SETX: variants seen among roughly 807,000 people sequenced by gnomAD.
SETX encodes the protein helicase senataxin.
SETX carries 90 observed loss-of-function variants against 227.2 expected under a neutral mutation model. The observed-to-expected ratio is 0.40, with a 90% CI of 0.33 to 0.47. The LOEUF (loss-of-function observed/expected upper bound fraction) is 0.47, where lower values mean the gene tolerates loss of function less well. SETX is among the 20% of genes least tolerant of loss of function. The pLI is 0.91. For synonymous variants in SETX, 1,210 were observed against 1,113.2 expected (o/e 1.09, Z -1.73); for missense variants, 3,052 against 3,181.5 (o/e 0.96, Z 0.98).
chr9:132,271,663 G>T (rs532624590), intron 24 of SETX, 47 bp downstream of exon 24: 14 of 1,452,718 alleles, frequency 9.6e-6, no homozygotes, highest in Non-Finnish European at 1.3e-5. Flanking sequence ...CTATAAACAA[G>T]CAACAATGTA....
chr9:132,282,019 T>TAA (rs71376633), intron 19 of SETX, among the ~76,000 whole-genome samples: 5,974 of 81,680 alleles, frequency 0.073, 381 homozygotes, highest in East Asian at 0.35. Context: ...ACTCCGTCTC[T>TAA]AAAAAAAAAA....
At chr9:132,281,830 G>A (rs917780474) in intron 19 of SETX, among the ~76,000 whole-genome samples, 3 of 151,966 alleles carry the variant, frequency 2.0e-5, no homozygotes, top group Non-Finnish European at 2.9e-5. Context: ...CCTGAGGTCC[G>A]GAGTTCAAGA....
At position 132,328,782 on chromosome 9, in the gene SETX, G is replaced by C. The variant is rs1377899649; in HGVS notation, c.2816C>G (p.Thr939Arg). The C allele has an allele frequency of 6.2e-7, 1 of 1,610,976 alleles. No individual in the cohort carries two copies. ...NSTSVIYSNLTREQAPDISPK... is the reference protein window; with the variant it reads ...NSTSVIYSNLRREQAPDISPK... ...ACTGATGTCAGGGGCCTGTTCTCTT[G>C]TCAAGTTAGAATAAATCACACTGGT... The change falls in exon 10 of 26, where the codon ACA (threonine) becomes AGA (arginine). Residue 939 changes from threonine to arginine, a missense_variant. Coordinates refer to ENST00000224140, the MANE Select transcript of SETX (RefSeq NM_015046.7).
At chr9:132,280,433 T>C (rs1027548542) in intron 20 of SETX, among the ~76,000 whole-genome samples, 1 of 152,206 alleles carries the variant, frequency 6.6e-6, no homozygotes, top group African/African-American at 2.4e-5. Flanking sequence ...GAATTTGCTC[T>C]TCATTATTCT....
At chr9:132,289,553 T>C (rs1271743926) in intron 15 of SETX, among the ~76,000 whole-genome samples, 3 of 152,152 alleles carry the variant, frequency 2.0e-5, no homozygotes, top group Non-Finnish European at 4.4e-5. Flanking sequence ...ACGGGTGGTA[T>C]TGAGGCTGAT....
chr9:132,322,257 A>G (rs1445028814), intron 10 of SETX, among the ~76,000 whole-genome samples: 3 of 152,234 alleles, frequency 2.0e-5, no homozygotes, highest in Non-Finnish European at 4.4e-5. Context: ...TCACCATTTT[A>G]AAGTGTACGT....
intron 15 of SETX, among the ~76,000 whole-genome samples, chr9:132,292,415 C>CAAACAAA (rs1844383109): frequency 1.6e-5 from 1 of 61,090 alleles, no homozygotes; most frequent in Non-Finnish European, 4.1e-5. Context: ...AGCTGGGGTA[C>CAAACAAA]AAAAAAAAAA....
At chr9:132,286,521 TAAAAC>T (rs1180797001) in intron 17 of SETX, 27 bp from the exon 18 acceptor site, 2 of 1,540,538 alleles carry the variant, frequency 1.3e-6, no homozygotes, top group East Asian at 4.5e-5. Flanking sequence ...ATGTCACAAT[TAAAAC>T]TAAACTAAGC....
At position 132,264,936 on chromosome 9, in the gene SETX, G is replaced by T. The variant is rs1277548725; in HGVS notation, c.7337C>A (p.Ala2446Asp). The T allele has an allele frequency of 6.2e-7, 1 of 1,614,062 alleles. No homozygotes were observed. The stretch of plus-strand genomic sequence containing the variant: ...GTTTTTGTCACAGGTCTTAATAATG[G>T]CACCACGCTTCTGAGCATCCTGAAT... Reference protein sequence around the residue: ...QLIQDAQKRGAIIKTCDKNYR... With the variant: ...QLIQDAQKRGDIIKTCDKNYR... Residue 2446 changes from alanine (A) to aspartate (D), a missense_variant, in exon 26 of 26, where the codon GCC becomes GAC. By Grantham distance (126) the Ala-to-Asp change is moderately radical. Around this residue, in one of 10 missense-constraint regions of SETX, gnomAD observed 412 missense variants for 589.0 expected, o/e 0.70. Transcript: ENST00000224140.
chr9:132,297,059 AT>A lies in SETX; in HGVS notation c.5782-6del. 1 of 1,608,050 alleles carries A rather than the reference AT, an allele frequency of 6.2e-7. No individual in the cohort carries two copies. The highest frequency in any genetic ancestry group is 8.5e-7 in the Non-Finnish European group (1 of 1,176,166). ...GAAATCTCTTAAGTACGCAATCTAT[AT>A]AAAAAACACATTTTTGAGAATGAGT... On this transcript the variant is annotated splice_polypyrimidine_tract_variant and splice_region_variant and intron_variant, in intron 13 of 25. Transcript: ENST00000224140.
Position 132,327,948 on chromosome 9 carries a change from G to A in SETX, c.3650C>T (p.Thr1217Met), listed in dbSNP as rs140892948. The A allele has an allele frequency of 2.0e-5, 33 of 1,614,022 alleles. No individual in the cohort carries two copies. The African/African-American group carries it at 3.1e-4, about 15-fold the overall frequency. ...TPNSRIQRAT[T>M]VSQKKSSKLC... ...CTTTGAAGACTTCTTTTGTGAAACC[G>A]TAGTGGCTCTCTGAATACGTGAATT... Residue 1217 changes from threonine (T) to methionine (M), a missense_variant, in exon 10 of 26, where the codon ACG (threonine) becomes ATG (methionine). By Grantham distance (81) the Thr-to-Met change is moderately conservative (BLOSUM62 -1). Coordinates refer to ENST00000224140, the MANE Select transcript of SETX (RefSeq NM_015046.7).
At chr9:132,355,213 G>T (rs562044834), upstream of SETX, among the ~76,000 whole-genome samples, 2 of 152,250 alleles carry the variant, frequency 1.3e-5, no homozygotes, top group African/African-American at 4.8e-5. Flanking sequence ...CGTCAGGGTG[G>T]ACGGGGAGAG....
At position 132,331,366 on chromosome 9, in the gene SETX, T is replaced by C. The variant is rs1847223426; in HGVS notation, c.921A>G (p.Gln307=). 1.2e-6 allele frequency: 2 copies of C among 1,613,940 alleles called. No homozygotes were observed. Among genetic ancestry groups the C allele is most frequent in the Admixed American group, 1.7e-5 (1 of 59,978 alleles). Residue 307 remains glutamine, a synonymous_variant, in exon 8 of 26, where the codon CAA becomes CAG. Transcript: ENST00000224140. ...GAAATGCCACAATAGGATCCATAAG[T>C]TGACCCCAGACCTTAGATCCAAGGC... The part of the protein sequence containing the change: ...LDRLGSKVWG[Q]LMDPIVAFQT...
In SETX at chr9:132,331,203, C is replaced by CT; in HGVS notation, c.1011-65dup. On this transcript the variant is annotated intron_variant, in intron 8 of 25. Coordinates refer to ENST00000224140, the MANE Select transcript of SETX (RefSeq NM_015046.7). ...GGGGGAAAAAAAGGAAGAAACACCT[C>CT]TTGTTAAGTAATCTAGCTGGAACAC... 3 of 1,606,804 alleles carry CT rather than the reference C, an allele frequency of 1.9e-6. No individual in the cohort carries two copies. In the South Asian group the frequency reaches 3.3e-5, roughly 18 times the overall value.
At position 132,269,681 on chromosome 9, in the gene SETX, T is replaced by C; in HGVS notation, c.7221A>G (p.Arg2407=). Residue 2407 remains arginine (R), a synonymous_variant, in exon 25 of 26, where the codon AGA becomes AGG. Transcript: ENST00000224140. ...TGGCTCGTGTGATGGTGACATTCAATCTCTGCAAACTTGCCAGGAATCTAG... is the reference window on the plus strand; with the variant it reads ...TGGCTCGTGTGATGGTGACATTCAACCTCTGCAAACTTGCCAGGAATCTAG... ...GSIGFLASLQ[R]LNVTITRAKY... 6.2e-7 allele frequency: 1 copy of C among 1,614,214 alleles called. No individual in the cohort carries two copies. Among genetic ancestry groups the C allele is most frequent in the Non-Finnish European group, 8.5e-7 (1 of 1,180,018 alleles).
chr9:132,341,096 C>T (rs1418804135), intron 5 of SETX, among the ~76,000 whole-genome samples: 1 of 152,046 alleles, frequency 6.6e-6, no homozygotes, highest in East Asian at 1.9e-4. Flanking sequence ...CCTGTTATCT[C>T]AGCACTTTGG....
At chr9:132,299,870 C>T (rs963845774) in intron 12 of SETX, among the ~76,000 whole-genome samples, 6 of 151,824 alleles carry the variant, frequency 4.0e-5, no homozygotes, top group African/African-American at 9.7e-5. Flanking sequence ...CGGCTGGGCG[C>T]GGTGGCTCAC....
At chr9:132,293,381 A>G (rs1016730049) in intron 15 of SETX, among the ~76,000 whole-genome samples, 1 of 152,090 alleles carries the variant, frequency 6.6e-6, no homozygotes, top group Non-Finnish European at 1.5e-5. Context: ...CTGAAAAAGA[A>G]AAAAAGGTCT....
rs759713043 is a variant in SETX at position 132,298,107 on chromosome 9, A to G, written c.5754T>C (p.Asp1918=). The change falls in exon 13 of 26, where the codon GAT becomes GAC. Residue 1918 remains aspartate, a synonymous_variant. Transcript: ENST00000224140. ...TTCTCTCAGATGTTGTAGTCAGTAA[A>G]TCTTTTGTACAGAAGTCCATAGGGT... ...NPNPMDFCTK[D]LLTTTSERII... 8 of 1,614,020 alleles carry G rather than the reference A, an allele frequency of 5.0e-6. No individual in the cohort carries two copies. Among genetic ancestry groups the G allele is most frequent in the African/African-American group, 1.3e-5 (1 of 75,038 alleles).
Sources: allele counts gnomAD v4.1 joint callset (sites outside exome capture counted in the v4.1 genomes callset), GRCh38; gene constraint gnomAD v4.1.1; regional missense constraint gnomAD v4.1.1; transcripts MANE v1.5; gene names NCBI Gene and HGNC (gene_info 2026-07-23, HGNC 2026-07-21).